The following PDZK1 variants were observed in gnomAD, a reference collection of about 807,000 sequenced individuals.
The protein encoded by PDZK1 is PDZ domain containing 1.
A neutral mutation model predicts 38.1 loss-of-function variants in PDZK1; 23 were observed. That is an observed-to-expected ratio of 0.60 (90% CI 0.43 to 0.85). The LOEUF is 0.85. PDZK1 is among the 40% of genes least tolerant of loss of function. The probability of loss-of-function intolerance (pLI) is 0.00; values close to 1 mark genes in which losing one functional copy is unlikely to be tolerated. For synonymous variants in PDZK1, 98 were observed against 186.2 expected (o/e 0.53, Z 3.86); for missense variants, 297 against 504.3 (o/e 0.59, Z 3.94).
rs373684971 is a variant in PDZK1 at position 145,699,064 on chromosome 1, C to G, written c.-3+8253G>C. 6.3e-4 allele frequency among the ~76,000 whole-genome samples: 96 copies of G among 152,090 alleles called. 1 individual carries two copies. The South Asian group carries it at 0.016, about 26-fold the overall frequency. ...ACCAGCGTGGCCAACTTGGCGAAAC[C>G]CTGTCTCTACTAAAAATACAAAAAT... On this transcript the variant is annotated intron_variant, in intron 1 of 8. Coordinates refer to ENST00000417171, the MANE Select transcript of PDZK1 (RefSeq NM_001201325.2).
intron 5 of PDZK1, among the ~76,000 whole-genome samples, 166 bp from the exon 6 acceptor site, chr1:145,678,811 A>G (rs1553699767): frequency 2.1e-5 from 3 of 140,842 alleles, no homozygotes; most frequent in Admixed American, 7.6e-5. Context: ...TAAGCACACT[A>G]TCTAGGCTCG....
chr1:145,673,240 C>G (rs1445116496), intron 7 of PDZK1, among the ~76,000 whole-genome samples: 1 of 152,162 alleles, frequency 6.6e-6, no homozygotes, highest in Non-Finnish European at 1.5e-5. Context: ...AATAGTGGTT[C>G]AGCATCATAT....
At chr1:145,678,954 T>C in intron 5 of PDZK1, among the ~76,000 whole-genome samples, 1 of 151,188 alleles carries the variant, frequency 6.6e-6, no homozygotes, top group South Asian at 2.1e-4. Flanking sequence ...GGCTGCAAGT[T>C]CCCAGAAAGT....
chr1:145,699,231 C>T (rs1465137612), intron 1 of PDZK1, among the ~76,000 whole-genome samples: 1 of 151,866 alleles, frequency 6.6e-6, no homozygotes, highest in Non-Finnish European at 1.5e-5. Flanking sequence ...AGTGAAACTC[C>T]ATCTCAAATT....
chr1:145,671,435 A>T lies in PDZK1; in HGVS notation c.*1T>A. ...ACAGCCAAAGCTATTACTTGTTTTC[A>T]TCACATCTCTGTATCTTCAGAATTG... On this transcript the variant is annotated 3_prime_UTR_variant, in exon 9 of 9. Transcript: ENST00000417171. 6.4e-7 allele frequency: 1 copy of T among 1,572,430 alleles called. No individual in the cohort carries two copies. Among genetic ancestry groups the T allele is most frequent in the Non-Finnish European group, 8.7e-7 (1 of 1,149,068 alleles).
At chr1:145,697,595 C>T (rs587774722) in intron 1 of PDZK1, among the ~76,000 whole-genome samples, 9 of 151,642 alleles carry the variant, frequency 5.9e-5, no homozygotes, top group African/African-American at 1.9e-4. Flanking sequence ...ACAGAAGCAA[C>T]GAATATTGAT....
In PDZK1 at chr1:145,671,080, T is replaced by TGTCA. The variant is rs1231240354; in HGVS notation, c.*352_*355dup. On this transcript the variant is annotated 3_prime_UTR_variant, in exon 9 of 9. Transcript: ENST00000417171. ...CTGCTAAGATGCTTTTATAAGCAGCTGTCACCTATACAGAGTTATGAATCA... is the reference window on the plus strand; with the variant it reads ...CTGCTAAGATGCTTTTATAAGCAGCTGTCAGTCACCTATACAGAGTTATGAATCA... The TGTCA allele has an allele frequency of 4.4e-6, 1 of 228,556 alleles. No homozygotes were observed. The highest frequency in any genetic ancestry group is 8.7e-6 in the Non-Finnish European group (1 of 114,602). 14.2% of individuals were successfully genotyped at this position (228,556 alleles called of 1,614,324 possible).
intron 1 of PDZK1, among the ~76,000 whole-genome samples, chr1:145,699,330 A>T (rs1201162468): frequency 6.6e-6 from 1 of 152,324 alleles, no homozygotes; most frequent in African/African-American, 2.4e-5. Context: ...AGGCACAGGA[A>T]TCGCTTGAAC....
chr1:145,673,902 A>AAAAC, intron 6 of PDZK1, 21 bp from the exon 7 acceptor site: 2 of 1,405,338 alleles, frequency 1.4e-6, no homozygotes, highest in Non-Finnish European at 1.0e-6. Flanking sequence ...ATAAAGGGAA[A>AAAAC]AAACATTAAC....
At chr1:145,676,624 G>T (rs1553699317) in intron 6 of PDZK1, among the ~76,000 whole-genome samples, 1 of 149,000 alleles carries the variant, frequency 6.7e-6, no homozygotes, top group East Asian at 2.0e-4. Context: ...TACTCAGGAG[G>T]CTGAGGCAGG....
chr1:145,705,873 C>T (rs1656217816), intron 1 of PDZK1, among the ~76,000 whole-genome samples: 1 of 152,108 alleles, frequency 6.6e-6, no homozygotes. Flanking sequence ...ATTTCAGCCT[C>T]CCAAGTAGCT....
At chr1:145,681,478 C>T (rs1159129128) in intron 4 of PDZK1, among the ~76,000 whole-genome samples, 5 of 149,560 alleles carry the variant, frequency 3.3e-5, no homozygotes, top group East Asian at 3.9e-4. Flanking sequence ...TTAGTGGAGA[C>T]GGTGTTTCAC....
intron 6 of PDZK1, chr1:145,674,139 A>C (rs1653393147): frequency 1.0e-6 from 1 of 981,348 alleles, no homozygotes; most frequent in Non-Finnish European, 1.2e-6. Context: ...GATGCGGTAC[A>C]AGGATCCCAA....
chr1:145,705,935 T>G (rs1410223028), intron 1 of PDZK1, among the ~76,000 whole-genome samples: 1 of 152,124 alleles, frequency 6.6e-6, no homozygotes, highest in Non-Finnish European at 1.5e-5. Flanking sequence ...TTATTTTTTG[T>G]AGAGACGGGG....
intron 1 of PDZK1, among the ~76,000 whole-genome samples, chr1:145,704,784 G>A (rs1364243241): frequency 5.3e-5 from 8 of 152,262 alleles, no homozygotes; most frequent in African/African-American, 9.6e-5. Context: ...CCTATGCAAC[G>A]AATGCAAGAA....
At chr1:145,704,445 G>C (rs1045447462) in intron 1 of PDZK1, among the ~76,000 whole-genome samples, 1 of 152,092 alleles carries the variant, frequency 6.6e-6, no homozygotes, top group African/African-American at 2.4e-5. Flanking sequence ...TCATTTCCGG[G>C]GGTCATGTAA....
At chr1:145,692,041 T>C (rs1472695898) in intron 1 of PDZK1, among the ~76,000 whole-genome samples, 2 of 152,060 alleles carry the variant, frequency 1.3e-5, no homozygotes, top group Non-Finnish European at 2.9e-5. Context: ...CCAAAATGAT[T>C]AGATTATTGC....
chr1:145,692,721 A>G (rs1234665251), intron 1 of PDZK1, among the ~76,000 whole-genome samples: 5 of 149,974 alleles, frequency 3.3e-5, no homozygotes, highest in Non-Finnish European at 7.4e-5. Context: ...AAAAAAAAAA[A>G]GAAGAAGAAG....
intron 4 of PDZK1, among the ~76,000 whole-genome samples, chr1:145,682,011 C>A (rs1195931696): frequency 1.6e-5 from 2 of 123,162 alleles, no homozygotes; most frequent in African/African-American, 6.9e-5. Flanking sequence ...CTCTACAAAA[C>A]ACACACACAC....
Sources: gnomAD v4.1 joint callset for allele counts (sites outside exome capture counted in the v4.1 genomes callset) on GRCh38, gnomAD v4.1.1 for gene constraint, MANE v1.5 for transcripts, NCBI Gene and HGNC (gene_info 2026-07-23, HGNC 2026-07-21) for gene names.